RACGAP1: variants seen among roughly 807,000 people sequenced by gnomAD.
RACGAP1 encodes Rac GTPase activating protein 1, also known as rac GTPase-activating protein 1.
Under a neutral mutation model 78.1 loss-of-function variants are expected in RACGAP1, and 30 were observed. That is an observed-to-expected ratio of 0.38 (90% CI 0.29 to 0.52). The LOEUF (loss-of-function observed/expected upper bound fraction) is 0.52, where lower values mean the gene tolerates loss of function less well. Among genes scored for constraint, RACGAP1 ranks in the 20% least tolerant of loss-of-function variants. The probability of loss-of-function intolerance (pLI) is 0.82; values close to 1 mark genes in which losing one functional copy is unlikely to be tolerated. For synonymous variants in RACGAP1, 231 were observed against 264.8 expected, an observed-to-expected ratio of 0.87 and a Z score of 1.24; for missense variants, 587 against 777.1, an observed-to-expected ratio of 0.76 and a Z score of 2.91.
chr12:50,011,668 G>A (rs763220839), intron 2 of RACGAP1, among the ~76,000 whole-genome samples: 10 of 151,760 alleles, frequency 6.6e-5, no homozygotes, highest in East Asian at 3.9e-4. Flanking sequence ...AAAATTAGCC[G>A]GTGTGGGCCG....
upstream of RACGAP1, among the ~76,000 whole-genome samples, chr12:50,026,610 C>G (rs760682935): frequency 6.6e-6 from 1 of 152,110 alleles, no homozygotes; most frequent in Non-Finnish European, 1.5e-5. Flanking sequence ...TGTATACATA[C>G]ATCAAAACAT....
chr12:49,994,040 T>TA lies in RACGAP1; in HGVS notation c.1339+90dup, dbSNP rs1948084376. 2.4e-6 allele frequency: 3 copies of TA among 1,269,478 alleles called. No homozygotes were observed. In the South Asian group the frequency reaches 4.5e-5, roughly 19 times the overall value. 78.6% of individuals were successfully genotyped at this position (1,269,478 alleles called of 1,614,324 possible). On this transcript the variant is annotated intron_variant, in intron 12 of 16. Coordinates refer to ENST00000312377, the MANE Select transcript of RACGAP1 (RefSeq NM_001319999.2). The stretch of plus-strand genomic sequence containing the variant: ...GCCTGGGCGAGAGTGAGACTCTGTC[T>TA]AAAAAATAAAAAATAAATAAAAAAA...
intron 3 of RACGAP1, 66 bp downstream of exon 3, chr12:50,006,368 A>C (rs906012873): frequency 6.4e-7 from 1 of 1,563,812 alleles, no homozygotes; most frequent in Non-Finnish European, 8.8e-7. Context: ...TGGCAAGTGG[A>C]AACTGTCAGA....
upstream of RACGAP1, among the ~76,000 whole-genome samples, chr12:50,027,066 A>G (rs1950281369): frequency 1.3e-5 from 2 of 152,234 alleles, no homozygotes. Context: ...TAATGTAGAA[A>G]TAATAATCCC....
intron 15 of RACGAP1, among the ~76,000 whole-genome samples, chr12:49,991,314 A>G (rs1348840169): frequency 6.6e-6 from 1 of 151,560 alleles, no homozygotes; most frequent in Admixed American, 6.6e-5. Context: ...TATATTGACT[A>G]TAGCATTACT....
chr12:50,030,112 A>C (rs1297414021), upstream of RACGAP1, among the ~76,000 whole-genome samples: 1 of 152,100 alleles, frequency 6.6e-6, no homozygotes, highest in Non-Finnish European at 1.5e-5. Flanking sequence ...CTCTACAAAA[A>C]ACTGAAAAAT....
upstream of RACGAP1, chr12:50,025,604 A>C: frequency 5.3e-6 from 5 of 950,510 alleles, no homozygotes; most frequent in Non-Finnish European, 6.3e-6. Context: ...GAGCATGCGC[A>C]TTCTGACAAA....
chr12:50,006,761 A>G, intron 2 of RACGAP1, 125 bp from the exon 3 acceptor site: 2 of 948,068 alleles, frequency 2.1e-6, no homozygotes, highest in East Asian at 2.6e-5. Flanking sequence ...CTATGGGCAA[A>G]TCCAGCTGAA....
chr12:50,029,088 C>T (rs555913948), upstream of RACGAP1, among the ~76,000 whole-genome samples: 3 of 151,468 alleles, frequency 2.0e-5, no homozygotes, highest in Non-Finnish European at 2.9e-5. Context: ...TGGCGGCGTG[C>T]GCCTGTAGTC....
In RACGAP1 at chr12:50,025,425, A is replaced by G. The variant is rs2137758626; in HGVS notation, c.-32T>C. On this transcript the variant is annotated 5_prime_UTR_variant, in exon 1 of 17. Transcript: ENST00000312377. The stretch of plus-strand genomic sequence containing the variant: ...CAGTCAGCCTGGCCCCACCTGGGCC[A>G]CCCTTCACTTCGCTCCGCGCCTCAC... 1 of 985,576 alleles carries G rather than the reference A, an allele frequency of 1.0e-6. No individual in the cohort carries two copies. The highest frequency in any genetic ancestry group is 1.2e-6 in the Non-Finnish European group (1 of 830,138). The allele number at this position is 985,576 out of a possible 1,614,324, so 61.1% of individuals were successfully genotyped here.
chr12:49,997,339 A>T, intron 9 of RACGAP1, 135 bp from the exon 10 acceptor site: 1 of 1,268,266 alleles, frequency 7.9e-7, no homozygotes, highest in Non-Finnish European at 1.0e-6. Flanking sequence ...CAGTGGTGTG[A>T]TTTCAGCTCA....
At chr12:50,027,642 A>G (rs1950292335), upstream of RACGAP1, among the ~76,000 whole-genome samples, 2 of 152,282 alleles carry the variant, frequency 1.3e-5, no homozygotes, top group South Asian at 4.1e-4. Flanking sequence ...CCTGGCCAAC[A>G]TAGTGAAACC....
chr12:50,027,553 C>CA (rs1396263216), upstream of RACGAP1, among the ~76,000 whole-genome samples: 3 of 152,274 alleles, frequency 2.0e-5, no homozygotes, highest in East Asian at 3.9e-4. Flanking sequence ...CAAGGCCAGG[C>CA]ACAGTGGCTC....
chr12:49,998,435 T>G (rs1041585381), intron 9 of RACGAP1, among the ~76,000 whole-genome samples: 1 of 151,922 alleles, frequency 6.6e-6, no homozygotes, highest in Non-Finnish European at 1.5e-5. Flanking sequence ...AAAACCTGGA[T>G]GTGAAATCTG....
intron 3 of RACGAP1, 96 bp from the exon 4 acceptor site, chr12:50,005,488 C>T: frequency 2.8e-6 from 4 of 1,409,166 alleles, no homozygotes; most frequent in Non-Finnish European, 2.9e-6. Flanking sequence ...CATTAAAATG[C>T]AGCATTATGC....
chr12:49,997,483 C>A (rs1948377453), intron 9 of RACGAP1, among the ~76,000 whole-genome samples: 1 of 151,926 alleles, frequency 6.6e-6, no homozygotes, highest in African/African-American at 2.4e-5. Context: ...ACCATGTTGG[C>A]CAGGCTGGTC....
At chr12:50,018,550 A>T (rs1452484326) in intron 1 of RACGAP1, 1 of 1,288,942 alleles carries the variant, frequency 7.8e-7, no homozygotes, top group Non-Finnish European at 1.0e-6. Flanking sequence ...GGGGCAGGAC[A>T]TTGGGTAGTC....
chr12:50,004,985 C>A (rs764361650), intron 4 of RACGAP1, among the ~76,000 whole-genome samples: 40 of 152,152 alleles, frequency 2.6e-4, no homozygotes, highest in South Asian at 6.2e-4. Flanking sequence ...TAGCAATGCA[C>A]AGGATTAGTT....
chr12:50,006,800 T>C (rs1007930725), intron 2 of RACGAP1, among the ~76,000 whole-genome samples, 164 bp from the exon 3 acceptor site: 1 of 152,216 alleles, frequency 6.6e-6, no homozygotes, highest in Non-Finnish European at 1.5e-5. Flanking sequence ...CTGGATATGT[T>C]TGTCACTCTG....
Sources: gnomAD v4.1 joint callset for allele counts (sites outside exome capture counted in the v4.1 genomes callset) on GRCh38, gnomAD v4.1.1 for gene constraint, MANE v1.5 for transcripts, NCBI Gene and HGNC (gene_info 2026-07-23, HGNC 2026-07-21) for gene names.